Variants in UVSSA observed in about 807,000 individuals in gnomAD.
UVSSA encodes UV stimulated scaffold protein A.
A neutral mutation model predicts 73.9 loss-of-function variants in UVSSA; 72 were observed. The ratio of observed to expected loss-of-function variants is 0.97; its 90% CI spans 0.81 to 1.19. The LOEUF is 1.19. UVSSA is among the 50% of genes most tolerant of loss of function. UVSSA has a pLI of 0.00. For missense variants in UVSSA, 1,150 were observed against 965.0 expected (o/e 1.19, Z -2.54); for synonymous variants, 454 against 391.3 (o/e 1.16, Z -1.89).
intron 12 of UVSSA, 90 bp from the exon 13 acceptor site, chr4:1,383,676 G>A: frequency 6.5e-7 from 1 of 1,542,324 alleles, no homozygotes; most frequent in East Asian, 2.2e-5. Context: ...CCCCTGTCAG[G>A]ACGAGACCAA....
chr4:1,360,643 G>T (rs544266832), intron 7 of UVSSA, among the ~76,000 whole-genome samples: 1 of 152,310 alleles, frequency 6.6e-6, no homozygotes, highest in Non-Finnish European at 1.5e-5. Context: ...TCCCTGAGAA[G>T]GTCAGGCTGA....
rs116804738 is a variant in UVSSA at position 1,348,147 on chromosome 4, G to A, written c.56G>A (p.Arg19Gln). Reference protein sequence around the residue: ...VEELTTSGEPRLNPEKMKELK... With the variant: ...VEELTTSGEPQLNPEKMKELK... ...GAGCTCACAACTTCAGGAGAACCCC[G>A]ACTAAATCCTGAGAAAATGAAGGAA... The change falls in exon 2 of 14, where the codon CGA becomes CAA. Residue 19 changes from arginine to glutamine, a missense_variant. Transcript: ENST00000389851. 1.5e-3 allele frequency: 2,348 copies of A among 1,613,922 alleles called. 29 individuals are homozygous for A. In the African/African-American group the frequency reaches 0.027, roughly 18 times the overall value.
Position 1,355,543 on chromosome 4 carries a change from C to A in UVSSA, c.1176+298C>A, listed in dbSNP as rs181120839. On this transcript the variant is annotated intron_variant, in intron 7 of 13. Coordinates refer to ENST00000389851, the MANE Select transcript of UVSSA (RefSeq NM_020894.4). ...GGAAGCCACCAGTCAGGCTGTCCCC[C>A]CCGTGACTCCTTCTAGGGAGTCATC... Among the ~76,000 whole-genome samples the A allele has an allele frequency of 2.0e-3, 301 of 152,326 alleles. 4 individuals are homozygous for A. Among genetic ancestry groups the A allele is most frequent in the African/African-American group, 7.0e-3 (291 of 41,572 alleles).
intron 10 of UVSSA, among the ~76,000 whole-genome samples, chr4:1,376,401 A>G (rs1718776061): frequency 6.6e-6 from 1 of 152,070 alleles, no homozygotes; most frequent in African/African-American, 2.4e-5. Flanking sequence ...GTCGGGGGCC[A>G]TCCATGGAGC....
rs116818578 is a variant in UVSSA at position 1,394,307 on chromosome 4, C to T, written c.*8346C>T. 453 of 951,160 alleles carry T rather than the reference C, an allele frequency of 4.8e-4. 3 individuals carry two copies. In the African/African-American group the frequency reaches 5.0e-3, roughly 10 times the overall value. 58.9% of individuals were successfully genotyped at this position (951,160 alleles called of 1,614,324 possible). A position where few individuals can be genotyped will look rare whatever the true frequency, so the allele number is the denominator to read the frequency against. On this transcript the variant is annotated 3_prime_UTR_variant, in exon 14 of 14. Transcript: ENST00000511216. Reference sequence around the variant, plus strand: ...TAGTTGAATTATCAATCTTTCTTGGCTTCTAAGTTTTGTGTTCTACTTAGA... The same window carrying T: ...TAGTTGAATTATCAATCTTTCTTGGTTTCTAAGTTTTGTGTTCTACTTAGA...
chr4:1,372,159 T>C (rs1718128559), intron 8 of UVSSA, among the ~76,000 whole-genome samples: 1 of 152,234 alleles, frequency 6.6e-6, no homozygotes. Context: ...GTAGTAAATC[T>C]TTTTTCGTCC....
chr4:1,360,457 A>T (rs1317127849), intron 7 of UVSSA, among the ~76,000 whole-genome samples: 1 of 152,148 alleles, frequency 6.6e-6, no homozygotes, highest in African/African-American at 2.4e-5. Flanking sequence ...CATTTTACAG[A>T]CAGGGAAGCT....
chr4:1,385,782 G>C lies in UVSSA; in HGVS notation c.2037-86G>C. On this transcript the variant is annotated intron_variant, in intron 13 of 13. Coordinates refer to ENST00000389851, the MANE Select transcript of UVSSA (RefSeq NM_020894.4). Reference sequence around the variant, plus strand: ...GAGGGCAGCAGTTGCCCCAGGACCAGTGCCTAACTTTGGTGATGCCGCCAC... The same window carrying C: ...GAGGGCAGCAGTTGCCCCAGGACCACTGCCTAACTTTGGTGATGCCGCCAC... 4 of 1,415,870 alleles carry C rather than the reference G, an allele frequency of 2.8e-6. No individual in the cohort carries two copies. In the South Asian group the frequency reaches 3.5e-5, roughly 12 times the overall value. The allele number at this position is 1,415,870 out of a possible 1,614,324, so 87.7% of individuals were successfully genotyped here.
At chr4:1,342,570 T>A (rs571615355), upstream of UVSSA, among the ~76,000 whole-genome samples, 3 of 152,276 alleles carry the variant, frequency 2.0e-5, no homozygotes, top group African/African-American at 7.2e-5. Context: ...AAAAAAAAAA[T>A]CTGCCTATTC....
chr4:1,369,667 A>C (rs1560463990), intron 8 of UVSSA, among the ~76,000 whole-genome samples: 1 of 152,246 alleles, frequency 6.6e-6, no homozygotes. Flanking sequence ...AGGTAAAATC[A>C]ATAATGTCAG....
At chr4:1,394,313 A>G in exon 14 of UVSSA, 1 of 991,148 alleles carries the variant, frequency 1.0e-6, no homozygotes, top group Non-Finnish European at 1.4e-6. Context: ...TTGGCTTCTA[A>G]GTTTTGTGTT....
Position 1,355,796 on chromosome 4 carries a change from T to A in UVSSA, c.1176+551T>A, listed in dbSNP as rs576380980. Among the ~76,000 whole-genome samples, 20 of 152,180 alleles carry A rather than the reference T, an allele frequency of 1.3e-4. No individual in the cohort carries two copies. In the South Asian group the frequency reaches 2.9e-3, roughly 22 times the overall value. Reference sequence around the variant, plus strand: ...AAGGGGCAGGGCTGCCGCGAGGGGCTGGAGGCTGGAGGGAGGTTTGGGGTG... The same window carrying A: ...AAGGGGCAGGGCTGCCGCGAGGGGCAGGAGGCTGGAGGGAGGTTTGGGGTG... On this transcript the variant is annotated intron_variant, in intron 7 of 13. Coordinates refer to ENST00000389851, the MANE Select transcript of UVSSA (RefSeq NM_020894.4).
intron 13 of UVSSA, chr4:1,384,163 C>G (rs1719837744): frequency 3.5e-6 from 2 of 575,996 alleles, no homozygotes; most frequent in Non-Finnish European, 6.0e-6. Flanking sequence ...CCAGCATTCC[C>G]CAGGATAAGA....
rs367964484 is a variant in UVSSA at position 1,379,728 on chromosome 4, A to G, written c.1569-319A>G. On this transcript the variant is annotated intron_variant, in intron 10 of 13. Coordinates refer to ENST00000389851, the MANE Select transcript of UVSSA (RefSeq NM_020894.4). ...AGGGAGAGCCCATCTTGCAGGTGGC[A>G]GTCGTGCCCGTGGTCGCGCGGCTGG... Among the ~76,000 whole-genome samples the G allele has an allele frequency of 5.0e-4, 76 of 151,096 alleles. 2 individuals are homozygous for G. The South Asian group carries it at 0.014, about 28-fold the overall frequency.
intron 8 of UVSSA, among the ~76,000 whole-genome samples, chr4:1,368,773 G>C (rs905740242): frequency 6.6e-6 from 1 of 152,252 alleles, no homozygotes; most frequent in African/African-American, 2.4e-5. Context: ...CTCCAGCTCA[G>C]GCCCCAGGCT....
chr4:1,391,262 G>A (rs1435575552), downstream of UVSSA: 1 of 152,862 alleles, frequency 6.5e-6, no homozygotes, highest in Non-Finnish European at 1.5e-5. Context: ...TGCCTGTTGG[G>A]TCAGAGGTTG....
At chr4:1,380,521 G>T in intron 11 of UVSSA, 1 of 965,268 alleles carries the variant, frequency 1.0e-6, no homozygotes, top group South Asian at 1.7e-5. Context: ...GCCCGGGTCT[G>T]TGCTGGGCCT....
chr4:1,361,194 C>G (rs921069130), intron 7 of UVSSA, among the ~76,000 whole-genome samples: 1 of 152,248 alleles, frequency 6.6e-6, no homozygotes, highest in Non-Finnish European at 1.5e-5. Flanking sequence ...TCCTCTCACA[C>G]CCAAGAAGGC....
At chr4:1,369,225 A>T (rs1161286720) in intron 8 of UVSSA, among the ~76,000 whole-genome samples, 1 of 152,208 alleles carries the variant, frequency 6.6e-6, no homozygotes, top group East Asian at 1.9e-4. Context: ...GGGTGCGAGC[A>T]TGCAGCACCA....
Sources: gnomAD v4.1 joint callset for allele counts (sites outside exome capture counted in the v4.1 genomes callset) on GRCh38, gnomAD v4.1.1 for gene constraint, MANE v1.5 for transcripts, NCBI Gene and HGNC (gene_info 2026-07-23, HGNC 2026-07-21) for gene names.